SV2B: variants seen among roughly 807,000 people sequenced by gnomAD.
SV2B encodes synaptic vesicle glycoprotein 2B.
A neutral mutation model predicts 73.9 loss-of-function variants in SV2B; 41 were observed. That is an observed-to-expected ratio of 0.56 (90% CI 0.43 to 0.72). The LOEUF (loss-of-function observed/expected upper bound fraction) is 0.72, where lower values mean the gene tolerates loss of function less well. Among genes scored for constraint, SV2B ranks in the 30% least tolerant of loss-of-function variants. The probability of loss-of-function intolerance (pLI) is 0.00; values close to 1 mark genes in which losing one functional copy is unlikely to be tolerated. For missense variants in SV2B, 764 were observed against 857.8 expected (o/e 0.89, Z 1.37); for synonymous variants, 314 against 314.2 (o/e 1.00, Z 0.01).
rs2049361170 is a variant in SV2B at position 91,299,333 on chromosome 15, A to G, written c.*6781A>G. 6.6e-6 allele frequency: 1 copy of G among 152,224 alleles called. No individual in the cohort carries two copies. The highest frequency in any genetic ancestry group is 1.5e-5 in the Non-Finnish European group (1 of 68,030). 9.4% of individuals were successfully genotyped at this position (152,224 alleles called of 1,614,324 possible). A position where few individuals can be genotyped will look rare whatever the true frequency, so the allele number is the denominator to read the frequency against. Reference sequence around the variant, plus strand: ...AAAAGAACGGCAAAGCAAATCCCATAGACACCCAAAATACTAAAAGTGACA... The same window carrying G: ...AAAAGAACGGCAAAGCAAATCCCATGGACACCCAAAATACTAAAAGTGACA... On this transcript the variant is annotated 3_prime_UTR_variant, in exon 13 of 13. Coordinates refer to ENST00000394232, the MANE Select transcript of SV2B (RefSeq NM_001323032.3).
Position 91,197,754 on chromosome 15 carries a change from C to T in SV2B, c.-391-28119C>T, listed in dbSNP as rs186545932. On this transcript the variant is annotated intron_variant, in intron 1 of 12. Transcript: ENST00000394232. The surrounding 1 kb of genome is among the most constrained non-coding windows in gnomAD (Gnocchi z 4.9). ...TATATAAAGTTTAAAAAATATGCAG[C>T]CAGGCCCGGTGGCCCACGCCTGTAA... Among the ~76,000 whole-genome samples, 347 of 152,158 alleles carry T rather than the reference C, an allele frequency of 2.3e-3. No homozygotes were observed. Among genetic ancestry groups the T allele is most frequent in the African/African-American group, 8.0e-3 (333 of 41,520 alleles).
rs2042429869 is a variant in SV2B at position 91,124,780 on chromosome 15, A to G, written c.-392+24417A>G. 6.6e-6 allele frequency among the ~76,000 whole-genome samples: 1 copy of G among 152,048 alleles called. No homozygotes were observed. The highest frequency in any genetic ancestry group is 1.5e-5 in the Non-Finnish European group (1 of 68,000). On this transcript the variant is annotated intron_variant, in intron 1 of 12. Coordinates refer to ENST00000394232, the MANE Select transcript of SV2B (RefSeq NM_001323032.3). The surrounding 1 kb of genome is among the most constrained non-coding windows in gnomAD (Gnocchi z 4.6). ...GCGATTCTTGAGCCTCAGCATCCCAAGTAACTGGGACTACAGGCATGAGCC... is the reference window on the plus strand; with the variant it reads ...GCGATTCTTGAGCCTCAGCATCCCAGGTAACTGGGACTACAGGCATGAGCC...
chr15:91,292,759 A>G lies in SV2B; in HGVS notation c.*207A>G. ...TTTGGGGGTGCCCTGAGCCACCCTT[A>G]GAATCACAGAGCTGCGTGTTTAACT... On this transcript the variant is annotated 3_prime_UTR_variant, in exon 13 of 13. Transcript: ENST00000394232. 1 of 524,248 alleles carries G rather than the reference A, an allele frequency of 1.9e-6. No homozygotes were observed. Among genetic ancestry groups the G allele is most frequent in the Admixed American group, 3.7e-5 (1 of 26,874 alleles). The allele number at this position is 524,248 out of a possible 1,614,324, so 32.5% of individuals were successfully genotyped here.
chr15:91,291,835 G>A (rs890912632), intron 12 of SV2B, among the ~76,000 whole-genome samples: 2 of 152,178 alleles, frequency 1.3e-5, no homozygotes, highest in African/African-American at 4.8e-5. Flanking sequence ...AAGCTTCTTG[G>A]GAACTGCTGC....
At chr15:91,154,343 T>C (rs1268507321) in intron 1 of SV2B, among the ~76,000 whole-genome samples, 1 of 152,076 alleles carries the variant, frequency 6.6e-6, no homozygotes, top group African/African-American at 2.4e-5. Flanking sequence ...GCACTAGACA[T>C]GGTAGCACAA....
intron 4 of SV2B, among the ~76,000 whole-genome samples, chr15:91,254,547 T>C (rs1340612849): frequency 6.6e-6 from 1 of 152,198 alleles, no homozygotes; most frequent in Non-Finnish European, 1.5e-5. Flanking sequence ...TATTTTCACA[T>C]TTAAATGAAG....
At position 91,121,115 on chromosome 15, in the gene SV2B, G is replaced by GT. The variant is rs2042322540; in HGVS notation, c.-392+20754dup. The stretch of plus-strand genomic sequence containing the variant: ...TTAACACGCTAATTTTTGGTCTTAT[G>GT]TTAGTAACTCGTTTCATTTTTTTTT... On this transcript the variant is annotated intron_variant, in intron 1 of 12. Coordinates refer to ENST00000394232, the MANE Select transcript of SV2B (RefSeq NM_001323032.3). The surrounding 1 kb of genome is among the most constrained non-coding windows in gnomAD (Gnocchi z 4.4). Among the ~76,000 whole-genome samples, 1 of 146,420 alleles carries GT rather than the reference G, an allele frequency of 6.8e-6. No individual in the cohort carries two copies. The highest frequency in any genetic ancestry group is 1.5e-5 in the Non-Finnish European group (1 of 66,416).
chr15:91,262,915 C>T (rs561636599), intron 6 of SV2B, among the ~76,000 whole-genome samples: 5 of 152,318 alleles, frequency 3.3e-5, no homozygotes, highest in South Asian at 2.1e-4. Context: ...CCTGCTGCCT[C>T]GTTCCATGGC....
chr15:91,176,375 G>A (rs1354097931), intron 1 of SV2B, among the ~76,000 whole-genome samples: 3 of 151,618 alleles, frequency 2.0e-5, no homozygotes, highest in Non-Finnish European at 2.9e-5. Context: ...CTTTATAGCA[G>A]CATGATTTAT....
At chr15:91,158,139 A>G (rs982971488) in intron 1 of SV2B, among the ~76,000 whole-genome samples, 2 of 152,016 alleles carry the variant, frequency 1.3e-5, no homozygotes, top group African/African-American at 2.4e-5. Context: ...TTGACTCCCA[A>G]TGTGATGGTG....
In SV2B at chr15:91,201,654, A is replaced by G. The variant is rs537591058; in HGVS notation, c.-391-24219A>G. Among the ~76,000 whole-genome samples the G allele has an allele frequency of 6.6e-5, 10 of 152,318 alleles. No individual in the cohort carries two copies. In the South Asian group the frequency reaches 2.1e-3, roughly 32 times the overall value. On this transcript the variant is annotated intron_variant, in intron 1 of 12. Transcript: ENST00000394232. ...GGCCTTTTCATCTCAGTTCATGGCA[A>G]ATCCATCCTTCCAACTGCTCAGGCC...
rs149080903 is a variant in SV2B at position 91,130,009 on chromosome 15, G to A, written c.-392+29646G>A. On this transcript the variant is annotated intron_variant, in intron 1 of 12. Transcript: ENST00000394232. The surrounding 1 kb of genome is among the most constrained non-coding windows in gnomAD (Gnocchi z 5.6). ...CAAGGAGATGGCCGTCAACGCTAGG[G>A]GTGGATAAATTGGGAAGAGAGGGAC... 6.6e-6 allele frequency among the ~76,000 whole-genome samples: 1 copy of A among 152,318 alleles called. No homozygotes were observed. The highest frequency in any genetic ancestry group is 1.5e-5 in the Non-Finnish European group (1 of 68,026).
At chr15:91,208,836 C>G (rs1377355401) in intron 1 of SV2B, among the ~76,000 whole-genome samples, 1 of 152,208 alleles carries the variant, frequency 6.6e-6, no homozygotes. Flanking sequence ...TTCAGGACTC[C>G]AAAACATAAC....
intron 9 of SV2B, among the ~76,000 whole-genome samples, chr15:91,272,108 A>G (rs2048336674): frequency 6.6e-6 from 1 of 152,176 alleles, no homozygotes. Context: ...GTCTGCTCCC[A>G]AAGCATCATC....
At chr15:91,156,519 A>G (rs1476722261) in intron 1 of SV2B, among the ~76,000 whole-genome samples, 1 of 152,242 alleles carries the variant, frequency 6.6e-6, no homozygotes, top group Non-Finnish European at 1.5e-5. Flanking sequence ...GCTGAAGCCA[A>G]GGGTATGGTA....
At chr15:91,148,002 A>G (rs1293153253) in intron 1 of SV2B, among the ~76,000 whole-genome samples, 8 of 56,638 alleles carry the variant, frequency 1.4e-4, no homozygotes, top group Non-Finnish European at 2.3e-4. Context: ...TTTTTTTGAG[A>G]TGGAGTCTTG....
chr15:91,237,477 T>C (rs897366060), intron 2 of SV2B, among the ~76,000 whole-genome samples: 4 of 152,228 alleles, frequency 2.6e-5, no homozygotes, highest in East Asian at 3.8e-4. Flanking sequence ...AACTGCCCAA[T>C]AGAATCACCT....
chr15:91,158,465 G>C (rs1192647825), intron 1 of SV2B, among the ~76,000 whole-genome samples: 3 of 151,842 alleles, frequency 2.0e-5, no homozygotes, highest in Non-Finnish European at 2.9e-5. Flanking sequence ...AAGGATTAGA[G>C]GGGAACAATC....
In SV2B at chr15:91,226,605, C is replaced by G. The variant is rs771011402; in HGVS notation, c.342C>G (p.Val114=). 5 of 1,614,112 alleles carry G rather than the reference C, an allele frequency of 3.1e-6. No homozygotes were observed. In the East Asian group the frequency reaches 1.1e-4, roughly 36 times the overall value. Residue 114 remains valine, a synonymous_variant, in exon 2 of 13, where the codon GTC becomes GTG. Coordinates refer to ENST00000394232, the MANE Select transcript of SV2B (RefSeq NM_001323032.3). ...GCTTCCAGTGGATCCTCTTTTTCGT[C>G]TTGGGTTTGGCCCTGATGGCCGATG... is the stretch of plus-strand genomic sequence containing the variant. ...HGRFQWILFF[V]LGLALMADGV...
Sources: allele counts gnomAD v4.1 joint callset (sites outside exome capture counted in the v4.1 genomes callset), GRCh38; gene constraint gnomAD v4.1.1; non-coding constraint Gnocchi (gnomAD v3.1); transcripts MANE v1.5; gene names NCBI Gene and HGNC (gene_info 2026-07-23, HGNC 2026-07-21).